FRAS1: variants seen among roughly 807,000 people sequenced by gnomAD.
FRAS1 encodes the protein Fraser extracellular matrix complex subunit 1.
FRAS1 carries 290 observed loss-of-function variants against 435.2 expected under a neutral mutation model. The observed-to-expected ratio is 0.67, with a 90% CI of 0.61 to 0.73. The LOEUF (loss-of-function observed/expected upper bound fraction) is 0.73, where lower values mean the gene tolerates loss of function less well. Ranked by LOEUF, FRAS1 falls within the 30% of genes least tolerant of loss-of-function variation. The pLI is 0.00. For missense variants in FRAS1, 4,860 were observed against 5,001.5 expected (o/e 0.97, Z 0.85); for synonymous variants, 1,800 against 1,851.0 (o/e 0.97, Z 0.71).
At chr4:78,401,735 A>G (rs997381265) in intron 30 of FRAS1, among the ~76,000 whole-genome samples, 3 of 151,814 alleles carry the variant, frequency 2.0e-5, no homozygotes, top group Admixed American at 6.6e-5. Flanking sequence ...AAAAAAAAAA[A>G]AAGCCTGGTG....
At chr4:78,461,151 C>A (rs946939529) in intron 47 of FRAS1, among the ~76,000 whole-genome samples, 1 of 152,152 alleles carries the variant, frequency 6.6e-6, no homozygotes, top group Non-Finnish European at 1.5e-5. Context: ...GCCAATAAAG[C>A]ATTTTAGAAG....
At chr4:78,415,863 C>A (rs1733533651) in intron 32 of FRAS1, among the ~76,000 whole-genome samples, 2 of 151,966 alleles carry the variant, frequency 1.3e-5, no homozygotes, top group Admixed American at 1.3e-4. Context: ...AGAAAACATC[C>A]TAGATGGGGG....
At chr4:78,256,497 G>T (rs1469379162) in intron 6 of FRAS1, among the ~76,000 whole-genome samples, 1 of 152,188 alleles carries the variant, frequency 6.6e-6, no homozygotes, top group East Asian at 1.9e-4. Flanking sequence ...ATAACAATAA[G>T]GGAGGTGGGA....
At chr4:78,255,434 T>G in intron 6 of FRAS1, 59 bp downstream of exon 6, 9 of 1,479,534 alleles carry the variant, frequency 6.1e-6, no homozygotes, top group East Asian at 2.4e-5. Context: ...TTGGAGTCTC[T>G]TCTGAGATTA....
intron 45 of FRAS1, 107 bp downstream of exon 45, chr4:78,450,446 G>A: frequency 1.2e-6 from 1 of 855,774 alleles, no homozygotes; most frequent in East Asian, 2.5e-5. Flanking sequence ...TGCACTCTTT[G>A]TTTTGAGGAG....
At chr4:78,300,399 T>G (rs1372793525) in intron 14 of FRAS1, among the ~76,000 whole-genome samples, 1 of 152,172 alleles carries the variant, frequency 6.6e-6, no homozygotes, top group Non-Finnish European at 1.5e-5. Flanking sequence ...CAGTGTGCCT[T>G]GTACAGTTAA....
chr4:78,072,297 A>G (rs752041395), intron 2 of FRAS1, among the ~76,000 whole-genome samples: 8 of 152,212 alleles, frequency 5.3e-5, no homozygotes, highest in Non-Finnish European at 8.8e-5. Flanking sequence ...CTTTTTAAAA[A>G]TTGGTGTGCT....
At chr4:78,464,648 C>T (rs887638184) in intron 49 of FRAS1, 65 bp downstream of exon 49, 18 of 1,571,076 alleles carry the variant, frequency 1.1e-5, no homozygotes, top group African/African-American at 9.4e-5. Flanking sequence ...GCAGCTATCA[C>T]GTTGCAGCTG....
chr4:78,344,065 A>C (rs1730505811), intron 20 of FRAS1, among the ~76,000 whole-genome samples: 1 of 108,728 alleles, frequency 9.2e-6, no homozygotes, highest in African/African-American at 5.0e-5. Context: ...TCCCCTGATC[A>C]CCAAATCCTA....
intron 19 of FRAS1, among the ~76,000 whole-genome samples, chr4:78,335,289 T>C (rs940204603): frequency 6.6e-6 from 1 of 152,204 alleles, no homozygotes; most frequent in African/African-American, 2.4e-5. Flanking sequence ...CATTGACGTC[T>C]GTCACCTGGG....
intron 2 of FRAS1, among the ~76,000 whole-genome samples, chr4:78,223,049 G>A (rs1326209121): frequency 6.6e-6 from 1 of 152,192 alleles, no homozygotes; most frequent in Non-Finnish European, 1.5e-5. Context: ...GGCAAACAGT[G>A]AGGCTGGAAG....
chr4:78,372,586 C>A, intron 23 of FRAS1, 132 bp from the exon 24 acceptor site: 1 of 1,061,636 alleles, frequency 9.4e-7, no homozygotes, highest in South Asian at 1.4e-5. Context: ...CTCATTTGAG[C>A]CTACTTATCT....
chr4:78,125,701 A>T (rs1719306278), intron 2 of FRAS1, among the ~76,000 whole-genome samples: 1 of 152,170 alleles, frequency 6.6e-6, no homozygotes, highest in African/African-American at 2.4e-5. Flanking sequence ...GGGTATCACC[A>T]GTGGAAGCTG....
intron 11 of FRAS1, among the ~76,000 whole-genome samples, chr4:78,282,579 C>T (rs1461237333): frequency 2.7e-5 from 4 of 150,268 alleles, no homozygotes; most frequent in Non-Finnish European, 4.4e-5. Context: ...CTGAGTGTGC[C>T]TAAAATCTTT....
At chr4:78,457,781 A>T (rs1496580) in intron 47 of FRAS1, among the ~76,000 whole-genome samples, 55,121 of 151,950 alleles carry the variant, frequency 0.36, 10,163 homozygotes, top group Admixed American at 0.43. Context: ...TCCACTTTCT[A>T]CTTTGTACTC....
At chr4:78,317,290 C>A in intron 16 of FRAS1, 78 bp from the exon 17 acceptor site, 2 of 1,532,918 alleles carry the variant, frequency 1.3e-6, no homozygotes, top group Non-Finnish European at 1.8e-6. Flanking sequence ...GAGTCCCAGG[C>A]CCGTGAAGCC....
Position 78,299,078 on chromosome 4 carries a change from G to A in FRAS1, c.1535-8988G>A, listed in dbSNP as rs1434055650. ...AAACAGGATTTTAGGGGCTAAGGAA[G>A]GAGCCAGCGACGTTGTGGGCTGGGC... is the stretch of plus-strand genomic sequence containing the variant. On this transcript the variant is annotated intron_variant, in intron 14 of 73. Transcript: ENST00000512123. Among the ~76,000 whole-genome samples, 3 of 152,194 alleles carry A rather than the reference G, an allele frequency of 2.0e-5. No homozygotes were observed. The East Asian group carries it at 5.8e-4, about 29-fold the overall frequency.
At chr4:78,182,455 A>G (rs1050598230) in intron 2 of FRAS1, among the ~76,000 whole-genome samples, 1 of 152,166 alleles carries the variant, frequency 6.6e-6, no homozygotes, top group South Asian at 2.1e-4. Context: ...GGTTTCCACT[A>G]TTTTCCTGGG....
At chr4:78,451,416 C>T (rs986042243) in intron 45 of FRAS1, among the ~76,000 whole-genome samples, 7 of 152,078 alleles carry the variant, frequency 4.6e-5, no homozygotes, top group African/African-American at 1.7e-4. Context: ...AGGGTCACTC[C>T]AGGTGATGTG....
Sources: gnomAD v4.1 joint callset for allele counts (sites outside exome capture counted in the v4.1 genomes callset) on GRCh38, gnomAD v4.1.1 for gene constraint, MANE v1.5 for transcripts, NCBI Gene and HGNC (gene_info 2026-07-23, HGNC 2026-07-21) for gene names.